COL5A2: variants seen among roughly 807,000 people sequenced by gnomAD.
COL5A2 encodes collagen type V alpha 2 chain, also known as collagen alpha-2(V) chain.
In COL5A2, 23 loss-of-function variants were observed where a neutral mutation model predicts 208.2. The observed-to-expected ratio is 0.11, with a 90% CI of 0.08 to 0.16. The LOEUF is 0.16. Ranked by LOEUF, COL5A2 falls within the 10% of genes least tolerant of loss-of-function variation. The pLI, the probability that COL5A2 is intolerant of heterozygous loss-of-function variation, is 1.00. For synonymous variants in COL5A2, 625 were observed against 628.5 expected (o/e 0.99, Z 0.08); for missense variants, 1,590 against 1,956.4 (o/e 0.81, Z 3.53).
the COL5A2 span, among the ~76,000 whole-genome samples, chr2:189,280,621 T>C: frequency 6.6e-6 from 1 of 152,120 alleles, no homozygotes; most frequent in Non-Finnish European, 1.5e-5. Flanking sequence ...CCAAAATGAG[T>C]ATCTCCAATG....
chr2:189,321,938 C>G, the COL5A2 span, among the ~76,000 whole-genome samples: 1 of 152,150 alleles, frequency 6.6e-6, no homozygotes, highest in African/African-American at 2.4e-5. Context: ...TAAAGCACTC[C>G]TCAGCAAATG....
upstream of COL5A2, among the ~76,000 whole-genome samples, chr2:189,228,317 G>A (rs566428215): frequency 1.3e-5 from 2 of 151,120 alleles, no homozygotes; most frequent in East Asian, 3.9e-4. Context: ...ACTTAGAGAG[G>A]AAATAAATGA....
chr2:189,096,359 A>C (rs1686909297), intron 6 of COL5A2, among the ~76,000 whole-genome samples: 1 of 152,136 alleles, frequency 6.6e-6, no homozygotes, highest in Non-Finnish European at 1.5e-5. Context: ...TATATGAAAG[A>C]CATTAGATTT....
At chr2:189,288,897 C>A in the COL5A2 span, among the ~76,000 whole-genome samples, 1 of 152,106 alleles carries the variant, frequency 6.6e-6, no homozygotes, top group East Asian at 1.9e-4. Flanking sequence ...CAAGGATGTT[C>A]AAAAAATGAA....
chr2:189,333,472 T>C, the COL5A2 span, among the ~76,000 whole-genome samples: 1 of 152,052 alleles, frequency 6.6e-6, no homozygotes, highest in Non-Finnish European at 1.5e-5. Flanking sequence ...CCTTGAAAAA[T>C]ACAACTTAAA....
chr2:189,085,154 G>T lies in COL5A2; in HGVS notation c.798+6C>A, dbSNP rs766997568. 4 of 1,610,502 alleles carry T rather than the reference G, an allele frequency of 2.5e-6. No homozygotes were observed. The African/African-American group carries it at 5.3e-5, about 22-fold the overall frequency. The stretch of plus-strand genomic sequence containing the variant: ...CCTGAATGGAAAATGAGGAAAGGTA[G>T]CTTACATCTTCCCCAGGTTTACCAG... On this transcript the variant is annotated splice_donor_region_variant and intron_variant, in intron 11 of 53. Coordinates refer to ENST00000374866, the MANE Select transcript of COL5A2 (RefSeq NM_000393.5).
At chr2:189,130,253 T>A (rs1687685122) in intron 1 of COL5A2, among the ~76,000 whole-genome samples, 1 of 152,080 alleles carries the variant, frequency 6.6e-6, no homozygotes, top group African/African-American at 2.4e-5. Context: ...TTAGACTATT[T>A]ACTCCAAATC....
At chr2:189,425,573 T>C in the COL5A2 span, among the ~76,000 whole-genome samples, 6 of 152,204 alleles carry the variant, frequency 3.9e-5, no homozygotes, top group Non-Finnish European at 7.3e-5. Flanking sequence ...GAGGACATTA[T>C]GCAAAGTGAA....
rs1301833882 is a variant in COL5A2, at chr2:189,032,330, T to C, written c.*1740A>G. ...GCAGAGGCAGTGATAATTGGTGTCA[T>C]GTTGCCTTTGTGGGTAATGTTGTAG... On this transcript the variant is annotated 3_prime_UTR_variant, in exon 54 of 54. Transcript: ENST00000374866. The C allele has an allele frequency of 6.6e-6, 1 of 152,176 alleles. No homozygotes were observed. Among genetic ancestry groups the C allele is most frequent in the Non-Finnish European group, 1.5e-5 (1 of 68,012 alleles). The allele number at this position is 152,176 out of a possible 1,614,324, so 9.4% of individuals were successfully genotyped here.
intron 1 of COL5A2, among the ~76,000 whole-genome samples, chr2:189,210,743 C>T (rs1213103171): frequency 1.3e-5 from 2 of 152,136 alleles, no homozygotes; most frequent in East Asian, 3.9e-4. Flanking sequence ...ATCATCTGGT[C>T]TTTATAACTC....
At chr2:189,119,857 T>C (rs1687466242) in intron 1 of COL5A2, among the ~76,000 whole-genome samples, 1 of 152,096 alleles carries the variant, frequency 6.6e-6, no homozygotes, top group African/African-American at 2.4e-5. Context: ...TTAACTAAGT[T>C]GTTTACTAGT....
chr2:189,082,325 T>C (rs1402031082), intron 12 of COL5A2, among the ~76,000 whole-genome samples: 2 of 152,226 alleles, frequency 1.3e-5, no homozygotes, highest in Admixed American at 1.3e-4. Flanking sequence ...TTTAGTGTTT[T>C]AGAGGGTTAT....
intron 29 of COL5A2, among the ~76,000 whole-genome samples, chr2:189,062,070 A>C (rs769236941): frequency 1.3e-4 from 20 of 151,960 alleles, no homozygotes; most frequent in East Asian, 3.9e-4. Flanking sequence ...CCACCCCCCC[A>C]AAAAAATATG....
intron 1 of COL5A2, among the ~76,000 whole-genome samples, chr2:189,179,040 A>C (rs931853229): frequency 2.6e-5 from 4 of 152,170 alleles, no homozygotes; most frequent in African/African-American, 9.7e-5. Context: ...AATCAAAGCT[A>C]TCAGAGTTGC....
At chr2:189,268,525 G>GA in the COL5A2 span, among the ~76,000 whole-genome samples, 1 of 152,076 alleles carries the variant, frequency 6.6e-6, no homozygotes, top group Non-Finnish European at 1.5e-5. Context: ...GGCATTCAGA[G>GA]AAAATCCATG....
chr2:189,431,965 C>T, the COL5A2 span, among the ~76,000 whole-genome samples: 2 of 152,130 alleles, frequency 1.3e-5, no homozygotes, highest in African/African-American at 4.8e-5. Flanking sequence ...AGGTTACCCA[C>T]AAGAGGAAGC....
chr2:189,351,903 C>T, the COL5A2 span, among the ~76,000 whole-genome samples: 3,638 of 152,126 alleles, frequency 0.024, 156 homozygotes, highest in African/African-American at 0.084. Flanking sequence ...TGGTTTGCTG[C>T]ACCCATCAAC....
upstream of COL5A2, among the ~76,000 whole-genome samples, chr2:189,225,926 C>A (rs1001207475): frequency 6.6e-6 from 1 of 152,102 alleles, no homozygotes; most frequent in Admixed American, 6.6e-5. Flanking sequence ...TGAAGTTGAA[C>A]TGCCTGTGTT....
chr2:189,410,477 G>A, the COL5A2 span, among the ~76,000 whole-genome samples: 1 of 152,016 alleles, frequency 6.6e-6, no homozygotes, highest in Non-Finnish European at 1.5e-5. Flanking sequence ...GAGGCAGGAG[G>A]ATTGCTTGAG....
Sources: gnomAD v4.1 joint callset for allele counts (sites outside exome capture counted in the v4.1 genomes callset) on GRCh38, gnomAD v4.1.1 for gene constraint, MANE v1.5 for transcripts, NCBI Gene and HGNC (gene_info 2026-07-23, HGNC 2026-07-21) for gene names.